BAG3: variants seen among roughly 807,000 people sequenced by gnomAD.
BAG3 encodes BAG family molecular chaperone regulator 3.
Under a neutral mutation model 40.5 loss-of-function variants are expected in BAG3, and 14 were observed. The ratio of observed to expected loss-of-function variants is 0.35; its 90% CI spans 0.23 to 0.54. The LOEUF is 0.54. Ranked by LOEUF, BAG3 falls within the 20% of genes least tolerant of loss-of-function variation. BAG3 has a pLI of 0.91. For synonymous variants in BAG3, 302 were observed against 307.8 expected (o/e 0.98, Z 0.20); for missense variants, 788 against 758.6 (o/e 1.04, Z -0.46).
chr10:119,665,135 TA>T (rs1335785892), intron 1 of BAG3, among the ~76,000 whole-genome samples: 6 of 80,422 alleles, frequency 7.5e-5, no homozygotes, highest in East Asian at 2.5e-4. Context: ...TGTATATATA[TA>T]TATATATATT....
chr10:119,661,485 C>G (rs962895793), intron 1 of BAG3, among the ~76,000 whole-genome samples: 1 of 152,136 alleles, frequency 6.6e-6, no homozygotes, highest in Non-Finnish European at 1.5e-5. Flanking sequence ...CCCAGGGTGG[C>G]ACCTTGAAGA....
Position 119,677,386 on chromosome 10 carries a change from T to G in BAG3, c.*104T>G. 6.9e-7 allele frequency: 1 copy of G among 1,440,156 alleles called. No individual in the cohort carries two copies. The highest frequency in any genetic ancestry group is 1.2e-5 in the South Asian group (1 of 84,242). 89.2% of individuals were successfully genotyped at this position (1,440,156 alleles called of 1,614,324 possible). A position where few individuals can be genotyped will look rare whatever the true frequency, so the allele number is the denominator to read the frequency against. On this transcript the variant is annotated 3_prime_UTR_variant, in exon 4 of 4. Coordinates refer to ENST00000369085, the MANE Select transcript of BAG3 (RefSeq NM_004281.4). ...AAGTCAGTTGGTTTTTATTAGCTGC[T>G]TGGTATGCAGTAACTTGGGTGGAGG...
intron 1 of BAG3, among the ~76,000 whole-genome samples, chr10:119,667,461 G>A (rs1052544877): frequency 6.6e-6 from 1 of 152,144 alleles, no homozygotes; most frequent in Non-Finnish European, 1.5e-5. Flanking sequence ...AAAAGGAAGC[G>A]AAGGCTTACA....
intron 2 of BAG3, among the ~76,000 whole-genome samples, chr10:119,671,724 C>T (rs1030423539): frequency 6.6e-6 from 1 of 152,200 alleles, no homozygotes; most frequent in Non-Finnish European, 1.5e-5. Context: ...GGAATTTGAA[C>T]ATAGGCCCCT....
intron 1 of BAG3, among the ~76,000 whole-genome samples, chr10:119,658,568 C>T (rs931187709): frequency 1.3e-5 from 2 of 152,236 alleles, no homozygotes; most frequent in Non-Finnish European, 2.9e-5. Context: ...GGAAGCCTTT[C>T]TCTCCTGCTG....
intron 1 of BAG3, among the ~76,000 whole-genome samples, chr10:119,661,518 C>T (rs1260809545): frequency 1.3e-5 from 2 of 152,062 alleles, no homozygotes; most frequent in Non-Finnish European, 2.9e-5. Flanking sequence ...CTGGTTCATT[C>T]CTGTTTATTT....
chr10:119,674,400 T>A (rs1847191186), intron 3 of BAG3, among the ~76,000 whole-genome samples: 1 of 152,236 alleles, frequency 6.6e-6, no homozygotes, highest in South Asian at 2.1e-4. Flanking sequence ...TTTCTCCACA[T>A]CATTCCCATG....
chr10:119,651,801 C>T lies in BAG3; in HGVS notation c.126C>T (p.His42=). 1 of 1,600,954 alleles carries T rather than the reference C, an allele frequency of 6.2e-7. No individual in the cohort carries two copies. The highest frequency in any genetic ancestry group is 8.5e-7 in the Non-Finnish European group (1 of 1,174,484). ...PQTGWPFFVD[H]NSRTTTWNDP... The stretch of plus-strand genomic sequence containing the variant: ...CCGGCTGGCCCTTCTTCGTGGACCA[C>T]AACAGCCGCACCACTACGTGGAACG... The change falls in exon 1 of 4, where the codon CAC becomes CAT. Residue 42 remains histidine (H), a synonymous_variant. Transcript: ENST00000369085.
chr10:119,657,576 C>T (rs1272173077), intron 1 of BAG3: 1 of 471,096 alleles, frequency 2.1e-6, no homozygotes, highest in East Asian at 6.9e-5. Context: ...CAGGTGTGTC[C>T]CGGGAAGCCT....
chr10:119,658,781 G>A (rs1379656843), intron 1 of BAG3, among the ~76,000 whole-genome samples: 1 of 152,158 alleles, frequency 6.6e-6, no homozygotes, highest in Admixed American at 6.5e-5. Flanking sequence ...TGTGTGAAGT[G>A]GGCATAGCAA....
intron 2 of BAG3, 131 bp downstream of exon 2, chr10:119,670,308 C>A: frequency 2.0e-6 from 2 of 1,002,930 alleles, no homozygotes; most frequent in Non-Finnish European, 1.4e-6. Context: ...GTCTAGCCTG[C>A]AGCATCAGAG....
chr10:119,666,599 G>A (rs61870077), intron 1 of BAG3, among the ~76,000 whole-genome samples: 1,216 of 74,116 alleles, frequency 0.016, 20 homozygotes, highest in African/African-American at 0.055. Flanking sequence ...GGTGCTCAGC[G>A]AGATGCATGA....
rs745806982 is a variant in BAG3, at chr10:119,651,693, C to T, written c.18C>T (p.His6=). The change falls in exon 1 of 4, where the codon CAC becomes CAT. Residue 6 remains histidine, a synonymous_variant. Transcript: ENST00000369085. ...AACCCAGCATGAGCGCCGCCACCCA[C>T]TCGCCCATGATGCAGGTGGCGTCCG... MSAAT[H]SPMMQVASGN... 6.3e-7 allele frequency: 1 copy of T among 1,585,874 alleles called. No individual in the cohort carries two copies. The highest frequency in any genetic ancestry group is 1.8e-5 in the Admixed American group (1 of 56,764).
intron 1 of BAG3, among the ~76,000 whole-genome samples, chr10:119,662,643 C>G (rs1847009253): frequency 6.6e-6 from 1 of 152,090 alleles, no homozygotes; most frequent in African/African-American, 2.4e-5. Context: ...CTAAGAGTTG[C>G]CTTTGTTACT....
At chr10:119,664,816 T>C (rs1293165486) in intron 1 of BAG3, among the ~76,000 whole-genome samples, 2 of 152,236 alleles carry the variant, frequency 1.3e-5, no homozygotes, top group East Asian at 3.8e-4. Flanking sequence ...ATTTTTTCTT[T>C]TGATTCTTTT....
intron 1 of BAG3, among the ~76,000 whole-genome samples, chr10:119,652,102 G>A (rs1269921566): frequency 6.6e-6 from 1 of 152,070 alleles, no homozygotes; most frequent in Non-Finnish European, 1.5e-5. Flanking sequence ...CCCGGGAAGC[G>A]ACCCCGCAGT....
At position 119,676,867 on chromosome 10, in the gene BAG3, C is replaced by T. The variant is rs1298175480; in HGVS notation, c.1313C>T (p.Ala438Val). 1.2e-6 allele frequency: 2 copies of T among 1,614,172 alleles called. No homozygotes were observed. The highest frequency in any genetic ancestry group is 1.7e-6 in the Non-Finnish European group (2 of 1,180,036). ...ILEKVQGLEQ[A>V]VDNFEGKKTD... Reference sequence around the variant, plus strand: ...GAGAAGGTACAGGGGCTGGAGCAGGCTGTAGACAACTTTGAAGGCAAGAAG... The same window carrying T: ...GAGAAGGTACAGGGGCTGGAGCAGGTTGTAGACAACTTTGAAGGCAAGAAG... Residue 438 changes from alanine (A) to valine (V), a missense_variant, in exon 4 of 4, where the codon GCT becomes GTT. Physicochemically the swap from Ala to Val is moderately conservative, Grantham distance 64. Coordinates refer to ENST00000369085, the MANE Select transcript of BAG3 (RefSeq NM_004281.4).
In BAG3 at chr10:119,676,829, G is replaced by A. The variant is rs1462718739; in HGVS notation, c.1275G>A (p.Val425=). Residue 425 remains valine (V), a synonymous_variant, in exon 4 of 4, where the codon GTG becomes GTA. Coordinates refer to ENST00000369085, the MANE Select transcript of BAG3 (RefSeq NM_004281.4). ...APPKHPGVLK[V]EAILEKVQGL... ...CAAAACATCCAGGAGTGCTGAAAGT[G>A]GAAGCCATCCTGGAGAAGGTACAGG... 8 of 1,614,048 alleles carry A rather than the reference G, an allele frequency of 5.0e-6. No homozygotes were observed. Among genetic ancestry groups the A allele is most frequent in the African/African-American group, 2.7e-5 (2 of 74,910 alleles).
At chr10:119,669,441 C>T (rs1356826695) in intron 1 of BAG3, among the ~76,000 whole-genome samples, 1 of 152,132 alleles carries the variant, frequency 6.6e-6, no homozygotes, top group Non-Finnish European at 1.5e-5. Context: ...TTTTTGGAAA[C>T]AGAGACGCTT....
Sources: gnomAD v4.1 joint callset for allele counts (sites outside exome capture counted in the v4.1 genomes callset) on GRCh38, gnomAD v4.1.1 for gene constraint, MANE v1.5 for transcripts, NCBI Gene and HGNC (gene_info 2026-07-23, HGNC 2026-07-21) for gene names.